Variants in CSMD1 observed in about 807,000 individuals in gnomAD.
The protein encoded by CSMD1 is CUB and sushi domain-containing protein 1.
A neutral mutation model predicts 417.5 loss-of-function variants in CSMD1; 213 were observed. The observed-to-expected ratio is 0.51, with a 90% CI of 0.46 to 0.57. The LOEUF is 0.57. CSMD1 is among the 20% of genes least tolerant of loss of function. CSMD1 has a pLI of 0.00. For missense variants in CSMD1, 6,923 were observed against 4,529.7 expected (o/e 1.53, Z -15.17); for synonymous variants, 2,862 against 1,736.8 (o/e 1.65, Z -16.11).
At chr8:3,672,983 A>C (rs1205772714) in intron 7 of CSMD1, among the ~76,000 whole-genome samples, 2 of 152,206 alleles carry the variant, frequency 1.3e-5, no homozygotes, top group Admixed American at 1.3e-4. Flanking sequence ...TATTGTAAGT[A>C]CTTGTGTTGT....
chr8:4,990,057 G>A (rs939148864), intron 1 of CSMD1, among the ~76,000 whole-genome samples: 6 of 152,152 alleles, frequency 3.9e-5, no homozygotes, highest in Admixed American at 1.3e-4. Flanking sequence ...TCTTCCCGAG[G>A]CCTCTGCCAG....
intron 3 of CSMD1, among the ~76,000 whole-genome samples, chr8:4,208,558 A>G (rs1800116439): frequency 6.6e-6 from 1 of 152,222 alleles, no homozygotes; most frequent in Non-Finnish European, 1.5e-5. Context: ...TATCAGATTG[A>G]CTTGACTCAT....
intron 6 of CSMD1, among the ~76,000 whole-genome samples, chr8:3,734,586 C>T (rs1796432552): frequency 6.6e-6 from 1 of 152,178 alleles, no homozygotes; most frequent in Admixed American, 6.5e-5. Flanking sequence ...TGGCGGGCAC[C>T]TATAATCCCA....
intron 3 of CSMD1, among the ~76,000 whole-genome samples, chr8:4,233,690 G>C (rs549438968): frequency 2.4e-4 from 36 of 152,136 alleles, no homozygotes; most frequent in African/African-American, 7.0e-4. Flanking sequence ...TCCAATGTAT[G>C]GAATTTTGGT....
intron 3 of CSMD1, among the ~76,000 whole-genome samples, chr8:4,185,255 C>A (rs896226301): frequency 6.6e-6 from 1 of 151,920 alleles, no homozygotes; most frequent in Non-Finnish European, 1.5e-5. Context: ...CTGGCCCTAC[C>A]CCTTGCAATT....
intron 21 of CSMD1, among the ~76,000 whole-genome samples, chr8:3,358,141 A>G (rs1304849404): frequency 2.0e-5 from 3 of 152,146 alleles, no homozygotes; most frequent in African/African-American, 7.2e-5. Context: ...TTTTATATGG[A>G]CTGTTAAATT....
intron 3 of CSMD1, among the ~76,000 whole-genome samples, chr8:4,195,550 C>T (rs1002823778): frequency 6.6e-6 from 1 of 152,212 alleles, no homozygotes; most frequent in African/African-American, 2.4e-5. Flanking sequence ...TTGTGATGTG[C>T]GTCTGACCAA....
At chr8:4,673,871 G>A (rs1002502681) in intron 1 of CSMD1, among the ~76,000 whole-genome samples, 1 of 152,088 alleles carries the variant, frequency 6.6e-6, no homozygotes, top group Non-Finnish European at 1.5e-5. Flanking sequence ...GGAAGTGAGG[G>A]GCTGGGGAAT....
chr8:3,830,026 G>C (rs746359949), intron 5 of CSMD1, among the ~76,000 whole-genome samples: 1 of 152,072 alleles, frequency 6.6e-6, no homozygotes, highest in Admixed American at 6.5e-5. Flanking sequence ...GTGGATTTCA[G>C]GTCTAACTCT....
intron 5 of CSMD1, among the ~76,000 whole-genome samples, chr8:3,877,089 A>T (rs1186817060): frequency 6.6e-6 from 1 of 152,122 alleles, no homozygotes; most frequent in Non-Finnish European, 1.5e-5. Flanking sequence ...TACAAGGGAG[A>T]TTCAGCCTGA....
chr8:3,778,052 G>A (rs546060295), intron 5 of CSMD1, among the ~76,000 whole-genome samples: 19 of 152,360 alleles, frequency 1.2e-4, no homozygotes, highest in African/African-American at 4.1e-4. Context: ...TTAACAGGCT[G>A]TCCACGTCCC....
chr8:3,949,982 G>T (rs1333344003), intron 5 of CSMD1: 2 of 455,938 alleles, frequency 4.4e-6, no homozygotes, highest in Non-Finnish European at 8.8e-6. Flanking sequence ...CTCCAGGCTT[G>T]CATGAAATTA....
intron 1 of CSMD1, among the ~76,000 whole-genome samples, chr8:4,843,940 G>C (rs543963893): frequency 6.6e-6 from 1 of 152,298 alleles, no homozygotes; most frequent in East Asian, 1.9e-4. Context: ...AGCTAAGATA[G>C]AGAAAGCTGT....
At chr8:3,456,566 T>A (rs914733018) in intron 12 of CSMD1, among the ~76,000 whole-genome samples, 7 of 152,202 alleles carry the variant, frequency 4.6e-5, no homozygotes, top group African/African-American at 7.2e-5. Context: ...CATCATTGCA[T>A]TACTTCCTAC....
intron 1 of CSMD1, among the ~76,000 whole-genome samples, chr8:4,777,473 T>A (rs1196234388): frequency 2.6e-5 from 4 of 152,172 alleles, no homozygotes; most frequent in African/African-American, 7.2e-5. Context: ...TAGACTCCTA[T>A]AATAAGATCA....
At chr8:4,391,008 A>C (rs754956212) in intron 3 of CSMD1, among the ~76,000 whole-genome samples, 1 of 152,210 alleles carries the variant, frequency 6.6e-6, no homozygotes, top group Non-Finnish European at 1.5e-5. Flanking sequence ...GTACTTCAGG[A>C]ATTCATTTTA....
At chr8:3,896,889 A>G (rs980049130) in intron 5 of CSMD1, among the ~76,000 whole-genome samples, 1 of 152,050 alleles carries the variant, frequency 6.6e-6, no homozygotes, top group Non-Finnish European at 1.5e-5. Context: ...ACCTAATTCT[A>G]TTTGATGTTT....
chr8:4,927,588 T>C (rs1271552921), intron 1 of CSMD1, among the ~76,000 whole-genome samples: 5 of 152,258 alleles, frequency 3.3e-5, no homozygotes, highest in Admixed American at 2.0e-4. Context: ...AAATAGTTCT[T>C]AGAGGTTCTT....
chr8:4,728,826 C>G (rs557144762), intron 1 of CSMD1, among the ~76,000 whole-genome samples: 2 of 151,710 alleles, frequency 1.3e-5, no homozygotes, highest in South Asian at 4.1e-4. Context: ...CAAAACACCT[C>G]GAAACAAAAA....
Sources: gnomAD v4.1 joint callset for allele counts (sites outside exome capture counted in the v4.1 genomes callset) on GRCh38, gnomAD v4.1.1 for gene constraint, MANE v1.5 for transcripts, NCBI Gene and HGNC (gene_info 2026-07-23, HGNC 2026-07-21) for gene names.